The following MED13L variants were observed in gnomAD, a reference collection of about 807,000 sequenced individuals.
MED13L encodes mediator of RNA polymerase II transcription subunit 13-like.
A neutral mutation model predicts 220.9 loss-of-function variants in MED13L; 7 were observed. The ratio of observed to expected loss-of-function variants is 0.03; its 90% CI spans 0.02 to 0.06. The LOEUF is 0.06. MED13L is among the 10% of genes least tolerant of loss of function. The pLI is 1.00. For missense variants in MED13L, 1,965 were observed against 2,760.5 expected (o/e 0.71, Z 6.46); for synonymous variants, 1,011 against 1,015.2 (o/e 1.00, Z 0.08).
intron 4 of MED13L, among the ~76,000 whole-genome samples, chr12:116,088,960 T>C (rs1223786048): frequency 6.6e-6 from 1 of 151,792 alleles, no homozygotes; most frequent in Non-Finnish European, 1.5e-5. Context: ...ACACAACCAA[T>C]GGAGAAAAAT....
rs71442952 is a variant in MED13L at position 115,969,107 on chromosome 12, A to AG, written c.6068-11dup. 7 of 1,613,466 alleles carry AG rather than the reference A, an allele frequency of 4.3e-6. No homozygotes were observed. The highest frequency in any genetic ancestry group is 3.3e-5 in the South Asian group (3 of 91,042). On this transcript the variant is annotated splice_polypyrimidine_tract_variant and intron_variant, in intron 27 of 30. Transcript: ENST00000281928. ...TCAACAAACATATCATCTAGAGGGA[A>AG]GGGGGGAAAAAAAGCACAAAAATTA...
intron 2 of MED13L, among the ~76,000 whole-genome samples, chr12:116,161,587 G>A (rs572962081): frequency 5.9e-5 from 9 of 152,148 alleles, no homozygotes; most frequent in Admixed American, 2.6e-4. Flanking sequence ...GCCTCTCCCC[G>A]TCAAAGTGAG....
At chr12:115,965,962 A>T in intron 29 of MED13L, 120 bp downstream of exon 29, 1 of 1,276,900 alleles carries the variant, frequency 7.8e-7, no homozygotes, top group Non-Finnish European at 1.1e-6. Flanking sequence ...ATAAGTAGAT[A>T]CAAGAGAAAA....
chr12:116,017,433 G>A (rs923586891), intron 7 of MED13L, among the ~76,000 whole-genome samples: 3 of 152,132 alleles, frequency 2.0e-5, no homozygotes, highest in African/African-American at 7.2e-5. Context: ...AATCCAAATT[G>A]TGATGTGAAA....
At position 116,237,595 on chromosome 12, in the gene MED13L, G is replaced by A. The variant is rs1029600630; in HGVS notation, c.183C>T (p.Ile61=). The stretch of plus-strand genomic sequence containing the variant: ...AAAGCAGGTTAGCTTGCAGACAGCG[G>A]ATGAAACTTAACAGAATTGGATCAT... ...AQDDPILLSF[I]RCLQANLLCV... is the part of the protein sequence containing the mutation. The change falls in exon 2 of 31, where the codon ATC becomes ATT. Residue 61 remains isoleucine (I), a synonymous_variant. Coordinates refer to ENST00000281928, the MANE Select transcript of MED13L (RefSeq NM_015335.5). 4.3e-6 allele frequency: 7 copies of A among 1,614,076 alleles called. No homozygotes were observed. Among genetic ancestry groups the A allele is most frequent in the Non-Finnish European group, 5.1e-6 (6 of 1,180,042 alleles).
At chr12:116,155,370 C>T (rs1334352747) in intron 2 of MED13L, among the ~76,000 whole-genome samples, 1 of 152,120 alleles carries the variant, frequency 6.6e-6, no homozygotes, top group East Asian at 1.9e-4. Flanking sequence ...CTGCAGTGAG[C>T]CATGATCATG....
Position 116,007,397 on chromosome 12 carries a change from C to CT in MED13L, c.2238+13dup, listed in dbSNP as rs1353670419. The CT allele has an allele frequency of 6.2e-7, 1 of 1,600,694 alleles. No homozygotes were observed. The highest frequency in any genetic ancestry group is 1.7e-5 in the Admixed American group (1 of 60,006). On this transcript the variant is annotated intron_variant, in intron 11 of 30. Transcript: ENST00000281928. ...ACCCACACCATGCTGGACTCTCTCT[C>CT]TGTTAAATGGTACCTTATTCTTTTT...
intron 2 of MED13L, among the ~76,000 whole-genome samples, chr12:116,113,670 A>G (rs1874273974): frequency 6.9e-6 from 1 of 145,088 alleles, no homozygotes; most frequent in Non-Finnish European, 1.5e-5. Context: ...TAAAAAATAA[A>G]TAAAAAGGAG....
At position 116,006,808 on chromosome 12, in the gene MED13L, G is replaced by A. The variant is rs1045685963; in HGVS notation, c.2239-397C>T. The stretch of plus-strand genomic sequence containing the variant: ...AAAAAGCATTCCCCTAACTATACCG[G>A]CCTCTTATAATTGTTTTATTTCCTT... On this transcript the variant is annotated intron_variant, in intron 11 of 30. Transcript: ENST00000281928. 3.4e-5 allele frequency: 7 copies of A among 204,756 alleles called. No homozygotes were observed. In the South Asian group the frequency reaches 5.6e-4, roughly 16 times the overall value. The allele number at this position is 204,756 out of a possible 1,614,324, so 12.7% of individuals were successfully genotyped here.
At chr12:116,062,938 G>C (rs527368530) in intron 4 of MED13L, among the ~76,000 whole-genome samples, 1 of 152,302 alleles carries the variant, frequency 6.6e-6, no homozygotes, top group South Asian at 2.1e-4. Flanking sequence ...CCCAAGTGGA[G>C]ATGCTTTTGT....
At chr12:116,136,308 T>C (rs1876547320) in intron 2 of MED13L, among the ~76,000 whole-genome samples, 1 of 152,202 alleles carries the variant, frequency 6.6e-6, no homozygotes, top group African/African-American at 2.4e-5. Context: ...TTTCTCAAAT[T>C]GGGGCTCTAG....
chr12:116,196,984 T>C (rs981265246), intron 2 of MED13L, among the ~76,000 whole-genome samples: 9 of 152,214 alleles, frequency 5.9e-5, no homozygotes, highest in African/African-American at 2.2e-4. Context: ...TTCAAAGATA[T>C]ATAGTAGTTT....
intron 4 of MED13L, among the ~76,000 whole-genome samples, chr12:116,094,987 C>A (rs1565874393): frequency 6.6e-6 from 1 of 152,006 alleles, no homozygotes; most frequent in Admixed American, 6.6e-5. Flanking sequence ...CATGGCAAAA[C>A]CCTGTCTTTA....
intron 2 of MED13L, among the ~76,000 whole-genome samples, chr12:116,124,180 GAGAGAGACA>G (rs1875377765): frequency 1.3e-5 from 2 of 152,004 alleles, no homozygotes; most frequent in African/African-American, 4.8e-5. Context: ...GAGAGAGACA[GAGAGAGACA>G]GAGACTGACT....
At chr12:116,168,588 G>A (rs953480547) in intron 2 of MED13L, among the ~76,000 whole-genome samples, 8 of 152,144 alleles carry the variant, frequency 5.3e-5, no homozygotes, top group African/African-American at 1.9e-4. Context: ...AGAAAGTAAT[G>A]AGTATTCTAA....
At chr12:116,188,941 T>A (rs1442360028) in intron 2 of MED13L, among the ~76,000 whole-genome samples, 1 of 152,190 alleles carries the variant, frequency 6.6e-6, no homozygotes, top group Non-Finnish European at 1.5e-5. Context: ...TGTATGGATA[T>A]ACAGTTTAAC....
chr12:116,221,823 A>C (rs1266515604), intron 2 of MED13L, among the ~76,000 whole-genome samples: 1 of 152,216 alleles, frequency 6.6e-6, no homozygotes, highest in Non-Finnish European at 1.5e-5. Context: ...CTAATTTTTA[A>C]GGGATTAGAT....
intron 8 of MED13L, among the ~76,000 whole-genome samples, chr12:116,014,800 G>A (rs1184921978): frequency 6.6e-6 from 1 of 152,124 alleles, no homozygotes; most frequent in Non-Finnish European, 1.5e-5. Flanking sequence ...AAACCCACTG[G>A]TTGCTGTCCT....
chr12:116,276,941 G>T, intron 1 of MED13L, 119 bp downstream of exon 1: 1 of 1,151,368 alleles, frequency 8.7e-7, no homozygotes, highest in Non-Finnish European at 1.3e-6. Context: ...GCGAACGGCG[G>T]GGAGACGCGA....
Sources: allele counts gnomAD v4.1 joint callset (sites outside exome capture counted in the v4.1 genomes callset), GRCh38; gene constraint gnomAD v4.1.1; transcripts MANE v1.5; gene names NCBI Gene and HGNC (gene_info 2026-07-23, HGNC 2026-07-21).